Variants in CCDC192 observed in about 807,000 individuals in gnomAD.
The protein encoded by CCDC192 is coiled-coil domain containing 192.
chr5:127,725,980 G>C (rs988393996), intron 2 of CCDC192, among the ~76,000 whole-genome samples: 5 of 150,568 alleles, frequency 3.3e-5, no homozygotes, highest in African/African-American at 4.9e-5. Flanking sequence ...TTTTTCTTTA[G>C]TCTTTTTTTA....
intron 5 of CCDC192, among the ~76,000 whole-genome samples, chr5:127,854,909 T>C (rs1750995666): frequency 6.6e-6 from 1 of 152,228 alleles, no homozygotes; most frequent in Non-Finnish European, 1.5e-5. Flanking sequence ...TTTATAACAA[T>C]GTAAACATAA....
chr5:127,882,560 G>T (rs1752400590), intron 6 of CCDC192, among the ~76,000 whole-genome samples: 1 of 152,128 alleles, frequency 6.6e-6, no homozygotes, highest in Non-Finnish European at 1.5e-5. Flanking sequence ...ATATAGTAAA[G>T]CCATTGAACT....
At chr5:127,896,077 G>A (rs1752872533) in intron 6 of CCDC192, among the ~76,000 whole-genome samples, 1 of 152,070 alleles carries the variant, frequency 6.6e-6, no homozygotes, top group Non-Finnish European at 1.5e-5. Flanking sequence ...TGTCTGTGTT[G>A]AGATGCAGGA....
rs1041999277 is a variant in CCDC192, at chr5:127,806,932, G to A, written c.411+8770G>A. Among the ~76,000 whole-genome samples, 74 of 152,232 alleles carry A rather than the reference G, an allele frequency of 4.9e-4. 1 individual carries two copies. The highest frequency in any genetic ancestry group is 1.6e-3 in the African/African-American group (66 of 41,530). On this transcript the variant is annotated intron_variant, in intron 5 of 6. Coordinates refer to ENST00000514853, the MANE Select transcript of CCDC192 (RefSeq NM_001317938.2). ...GGTTTTAAAAGTCCTCTGGTCCTGC[G>A]GCCTAATCCCTGCCAGAGAGGAAGA...
chr5:127,878,882 T>G (rs12332386), intron 6 of CCDC192, among the ~76,000 whole-genome samples: 95,320 of 146,164 alleles, frequency 0.65, 31,057 homozygotes, highest in Non-Finnish European at 0.68. Context: ...TTTATTTCCT[T>G]GAGCAGTGGT....
At chr5:127,717,928 C>CAAAAAAAAAAAAAAAAGAAAA (rs1751719821) in intron 2 of CCDC192, among the ~76,000 whole-genome samples, 1 of 98,074 alleles carries the variant, frequency 1.0e-5, no homozygotes, top group African/African-American at 3.9e-5. Context: ...TAAAGCTAGA[C>CAAAAAAAAAAAAAAAAGAAAA]AAAAAAAAAA....
At chr5:127,814,348 A>G (rs146992068) in intron 5 of CCDC192, among the ~76,000 whole-genome samples, 2 of 152,306 alleles carry the variant, frequency 1.3e-5, no homozygotes, top group East Asian at 3.9e-4. Flanking sequence ...GTTTGAGCCC[A>G]TGGGCATGTT....
intron 5 of CCDC192, among the ~76,000 whole-genome samples, chr5:127,819,309 G>T (rs711359): frequency 0.79 from 119,611 of 152,038 alleles, 47,140 homozygotes; most frequent in East Asian, 0.94. Context: ...GCTTGGGTAG[G>T]CACCACATAA....
Position 127,751,656 on chromosome 5 carries a change from T to C in CCDC192, c.115-2612T>C, listed in dbSNP as rs368394629. Among the ~76,000 whole-genome samples the C allele has an allele frequency of 4.6e-5, 7 of 152,202 alleles. No homozygotes were observed. The East Asian group carries it at 9.6e-4, about 21-fold the overall frequency. On this transcript the variant is annotated intron_variant, in intron 2 of 6. Coordinates refer to ENST00000514853, the MANE Select transcript of CCDC192 (RefSeq NM_001317938.2). ...CTCTATATTTCCTGAATCTGAACGT[T>C]GGCCTGCCTTGCTAGACTGGGGAAA...
intron 5 of CCDC192, among the ~76,000 whole-genome samples, chr5:127,823,019 C>T (rs111283533): frequency 2.0e-5 from 3 of 152,180 alleles, no homozygotes; most frequent in African/African-American, 7.2e-5. Context: ...CCCAAATCCA[C>T]AAAAACACCA....
At chr5:127,879,061 C>G (rs1263028802) in intron 6 of CCDC192, among the ~76,000 whole-genome samples, 2 of 151,142 alleles carry the variant, frequency 1.3e-5, no homozygotes, top group Non-Finnish European at 1.5e-5. Context: ...GATTTTGTAT[C>G]CTGAGACTTT....
At chr5:127,757,446 A>G (rs1417461961) in intron 3 of CCDC192, among the ~76,000 whole-genome samples, 1 of 152,122 alleles carries the variant, frequency 6.6e-6, no homozygotes, top group African/African-American at 2.4e-5. Context: ...AGAGGGGTCA[A>G]TCAACACTGT....
chr5:127,885,081 T>C (rs1279498213), intron 6 of CCDC192, among the ~76,000 whole-genome samples: 1 of 150,344 alleles, frequency 6.7e-6, no homozygotes, highest in Admixed American at 6.7e-5. Context: ...CTTCCTTCTG[T>C]CCATTCCTTA....
At chr5:127,939,769 A>G (rs1754322317) in intron 6 of CCDC192, among the ~76,000 whole-genome samples, 1 of 151,970 alleles carries the variant, frequency 6.6e-6, no homozygotes, top group African/African-American at 2.4e-5. Context: ...TAATAGCAGC[A>G]GGCTTTTGTA....
intron 2 of CCDC192, among the ~76,000 whole-genome samples, chr5:127,717,928 C>CAAAAAAAAAAA: frequency 6.1e-5 from 6 of 98,056 alleles, no homozygotes; most frequent in Admixed American, 2.2e-4. Context: ...TAAAGCTAGA[C>CAAAAAAAAAAA]AAAAAAAAAA....
At chr5:127,782,226 T>C (rs1580649112) in intron 3 of CCDC192, among the ~76,000 whole-genome samples, 1 of 152,334 alleles carries the variant, frequency 6.6e-6, no homozygotes, top group South Asian at 2.1e-4. Context: ...ACTAGTATTT[T>C]GTTAAGGATT....
chr5:127,791,282 T>C (rs1011434575), intron 3 of CCDC192, among the ~76,000 whole-genome samples: 8 of 152,258 alleles, frequency 5.3e-5, no homozygotes, highest in African/African-American at 2.4e-5. Flanking sequence ...TATAAAGTTA[T>C]TGCAATATAT....
chr5:127,869,092 G>A (rs972467387), intron 5 of CCDC192, among the ~76,000 whole-genome samples: 83 of 152,278 alleles, frequency 5.5e-4, no homozygotes, highest in Admixed American at 4.8e-3. Context: ...GGAGGCCGAG[G>A]CAGGTGGATC....
chr5:127,706,791 TA>T (rs1750991933), intron 1 of CCDC192, among the ~76,000 whole-genome samples: 1 of 152,144 alleles, frequency 6.6e-6, no homozygotes, highest in African/African-American at 2.4e-5. Context: ...TAGAATGTGA[TA>T]AGTATCACAG....
Sources: allele counts gnomAD v4.1 joint callset (sites outside exome capture counted in the v4.1 genomes callset), GRCh38; gene constraint gnomAD v4.1.1; transcripts MANE v1.5; gene names NCBI Gene and HGNC (gene_info 2026-07-23, HGNC 2026-07-21).